Variants in MTR observed in about 807,000 individuals in gnomAD.
MTR encodes methionine synthase.
MTR carries 84 observed loss-of-function variants against 154.8 expected under a neutral mutation model. The ratio of observed to expected loss-of-function variants is 0.54; its 90% CI spans 0.45 to 0.65. The LOEUF (loss-of-function observed/expected upper bound fraction) is 0.65, where lower values mean the gene tolerates loss of function less well. MTR is among the 30% of genes least tolerant of loss of function. The pLI, the probability that MTR is intolerant of heterozygous loss-of-function variation, is 0.00. For missense variants in MTR, 1,275 were observed against 1,570.2 expected, an observed-to-expected ratio of 0.81 and a Z score of 3.18; for synonymous variants, 554 against 553.9, an observed-to-expected ratio of 1.00 and a Z score of 0.00.
chr1:236,850,552 C>T (rs758796679), intron 16 of MTR, 29 bp downstream of exon 16: 5 of 1,604,394 alleles, frequency 3.1e-6, no homozygotes, highest in Non-Finnish European at 1.7e-6. Flanking sequence ...TCTCCCAAGT[C>T]ATGGCTCAAA....
intron 7 of MTR, 124 bp from the exon 8 acceptor site, chr1:236,816,325 A>G (rs1661590347): frequency 3.6e-6 from 3 of 830,418 alleles, no homozygotes; most frequent in Admixed American, 1.9e-5. Context: ...TTTGAATTTG[A>G]GTTCCACATT....
chr1:236,850,422 A>G lies in MTR; in HGVS notation c.1594A>G (p.Asn532Asp), dbSNP rs140183705. 1.6e-5 allele frequency: 26 copies of G among 1,613,836 alleles called. No individual in the cohort carries two copies. In the African/African-American group the frequency reaches 3.2e-4, roughly 20 times the overall value. ...LLVKKLGFNP[N>D]DIIFDPNILT... ...TGTGAAAAAACTGGGCTTTAATCCA[A>G]ATGACATTATTTTTGACCCTAATAT... The change falls in exon 16 of 33, where the codon AAT becomes GAT. Residue 532 changes from asparagine to aspartate, a missense_variant. By Grantham distance (23) the Asn-to-Asp change is conservative (BLOSUM62 1). Transcript: ENST00000366577.
chr1:236,886,400 G>C (rs756575233), intron 27 of MTR, 33 bp downstream of exon 27: 1 of 1,596,598 alleles, frequency 6.3e-7, no homozygotes, highest in Admixed American at 1.7e-5. Context: ...GAAAGACTGG[G>C]TGTGGTAACT....
intron 1 of MTR, among the ~76,000 whole-genome samples, chr1:236,797,772 A>T (rs1660476178): frequency 6.6e-6 from 1 of 152,070 alleles, no homozygotes; most frequent in South Asian, 2.1e-4. Flanking sequence ...CAGCCTGGCC[A>T]ACATGGTGAA....
Position 236,859,861 on chromosome 1 carries a change from T to G in MTR, c.1982T>G (p.Ile661Ser), listed in dbSNP as rs148897041. ...CAAGGCACAGGAGGGAAGAAAGTCA[T>G]TCAGACTGATGAGTGGAGAAATGGC... ...QTQGTGGKKV[I>S]QTDEWRNGPV... Residue 661 changes from isoleucine (I) to serine (S), a missense_variant, in exon 19 of 33, where the codon ATT becomes AGT. Transcript: ENST00000366577. 4 of 1,614,018 alleles carry G rather than the reference T, an allele frequency of 2.5e-6. No individual in the cohort carries two copies. The highest frequency in any genetic ancestry group is 2.5e-6 in the Non-Finnish European group (3 of 1,179,910).
chr1:236,903,289 C>T lies in MTR; in HGVS notation c.*5645C>T, dbSNP rs531768777. 1 of 152,258 alleles carries T rather than the reference C, an allele frequency of 6.6e-6. No homozygotes were observed. The highest frequency in any genetic ancestry group is 1.5e-5 in the Non-Finnish European group (1 of 68,002). 9.4% of individuals were successfully genotyped at this position (152,258 alleles called of 1,614,324 possible). A position where few individuals can be genotyped will look rare whatever the true frequency, so the allele number is the denominator to read the frequency against. ...ATTTTTACAAGTGTATGTTATTGTA[C>T]TTTTAAAAAGATTAGCTTGGCAACA... On this transcript the variant is annotated 3_prime_UTR_variant, in exon 33 of 33. Transcript: ENST00000366577.
At chr1:236,846,919 C>T (rs1017805452) in intron 15 of MTR, among the ~76,000 whole-genome samples, 6 of 152,130 alleles carry the variant, frequency 3.9e-5, no homozygotes, top group African/African-American at 1.4e-4. Context: ...TCAAGTCTCA[C>T]TCTGTCGTGC....
chr1:236,795,307 C>T lies in MTR; in HGVS notation c.-397C>T, dbSNP rs927298915. On this transcript the variant is annotated 5_prime_UTR_variant, in exon 1 of 33. Transcript: ENST00000366577. ...GATTGAGCGCAGAACTAACCGCGCT[C>T]TGAAAGGTTCTAAATGTCTGCGGGG... 1.2e-5 allele frequency: 15 copies of T among 1,227,584 alleles called. No individual in the cohort carries two copies. The South Asian group carries it at 1.4e-4, about 12-fold the overall frequency. The allele number at this position is 1,227,584 out of a possible 1,614,324, so 76.0% of individuals were successfully genotyped here.
At chr1:236,870,384 C>G (rs1665059662) in intron 22 of MTR, among the ~76,000 whole-genome samples, 1 of 152,206 alleles carries the variant, frequency 6.6e-6, no homozygotes, top group African/African-American at 2.4e-5. Context: ...CAGAAATGTT[C>G]TGGGGCTCAG....
intron 22 of MTR, among the ~76,000 whole-genome samples, chr1:236,863,757 G>A (rs569336828): frequency 6.6e-6 from 1 of 152,272 alleles, no homozygotes; most frequent in Admixed American, 6.5e-5. Context: ...AATTATCCGT[G>A]TTCAAAAAGG....
In MTR at chr1:236,882,495, A is replaced by C. The variant is rs1246810387; in HGVS notation, c.2676+1659A>C. On this transcript the variant is annotated intron_variant, in intron 25 of 32. Coordinates refer to ENST00000366577, the MANE Select transcript of MTR (RefSeq NM_000254.3). ...AACCTACGCCTCCCAGATTCAAGCAATTCTCCTGCCTCAGCCTCACAAGTA... is the reference window on the plus strand; with the variant it reads ...AACCTACGCCTCCCAGATTCAAGCACTTCTCCTGCCTCAGCCTCACAAGTA... Among the ~76,000 whole-genome samples the C allele has an allele frequency of 3.7e-5, 5 of 135,590 alleles. No individual in the cohort carries two copies. The South Asian group carries it at 6.8e-4, about 19-fold the overall frequency. 89.0% of individuals were successfully genotyped at this position (135,590 alleles called of 152,430 possible). A position where few individuals can be genotyped will look rare whatever the true frequency, so the allele number is the denominator to read the frequency against.
chr1:236,869,296 C>A (rs1664989276), intron 22 of MTR, among the ~76,000 whole-genome samples: 1 of 151,864 alleles, frequency 6.6e-6, no homozygotes, highest in African/African-American at 2.4e-5. Flanking sequence ...TTCAGTGCAA[C>A]TTTTTTTTTC....
chr1:236,820,353 TA>T, intron 8 of MTR: 7 of 761,506 alleles, frequency 9.2e-6, no homozygotes, highest in Non-Finnish European at 1.7e-5. Flanking sequence ...AGTTCACTGC[TA>T]CTCGGCCTGA....
chr1:236,800,341 C>T (rs778885398), intron 1 of MTR: 134 of 985,264 alleles, frequency 1.4e-4, no homozygotes, highest in Middle Eastern at 1.0e-3. Context: ...ATGTGCATGA[C>T]CTATTTCCCC....
At chr1:236,865,562 A>G (rs533711335) in intron 22 of MTR, among the ~76,000 whole-genome samples, 1 of 152,342 alleles carries the variant, frequency 6.6e-6, no homozygotes, top group South Asian at 2.1e-4. Context: ...CAAAAATGAT[A>G]ACAATGTTTT....
intron 22 of MTR, among the ~76,000 whole-genome samples, chr1:236,870,863 G>A (rs776664954): frequency 6.6e-6 from 1 of 152,046 alleles, no homozygotes; most frequent in Non-Finnish European, 1.5e-5. Flanking sequence ...TGCTCAAACC[G>A]AAACTCTTGC....
At chr1:236,874,651 T>G in intron 23 of MTR, 75 bp from the exon 24 acceptor site, 2 of 1,277,326 alleles carry the variant, frequency 1.6e-6, no homozygotes, top group Non-Finnish European at 2.1e-6. Context: ...TAAATGGATC[T>G]TCATCCTTTT....
chr1:236,887,807 G>A (rs1292762808), intron 27 of MTR, among the ~76,000 whole-genome samples: 2 of 152,198 alleles, frequency 1.3e-5, no homozygotes, highest in African/African-American at 2.4e-5. Flanking sequence ...TTTCTTTTAC[G>A]GCCCTGATGG....
chr1:236,802,815 C>T (rs181080349), intron 1 of MTR, among the ~76,000 whole-genome samples: 53 of 152,126 alleles, frequency 3.5e-4, no homozygotes, highest in Admixed American at 5.9e-4. Context: ...TCCAGTAGGT[C>T]GTAGAAACCA....
Sources: gnomAD v4.1 joint callset for allele counts (sites outside exome capture counted in the v4.1 genomes callset) on GRCh38, gnomAD v4.1.1 for gene constraint, MANE v1.5 for transcripts, NCBI Gene and HGNC (gene_info 2026-07-23, HGNC 2026-07-21) for gene names.